Variants in NELFA observed in about 807,000 individuals in gnomAD.
The protein encoded by NELFA is negative elongation factor A.
A neutral mutation model predicts 51.8 loss-of-function variants in NELFA; 35 were observed. That is an observed-to-expected ratio of 0.68 (90% CI 0.52 to 0.90). The LOEUF (loss-of-function observed/expected upper bound fraction) is 0.90. Among genes scored for constraint, NELFA ranks in the 40% least tolerant of loss-of-function variants. The probability of loss-of-function intolerance (pLI) is 0.00; values close to 1 mark genes in which losing one functional copy is unlikely to be tolerated. For synonymous variants in NELFA, 417 were observed against 338.4 expected (o/e 1.23, Z -2.55); for missense variants, 658 against 746.4 (o/e 0.88, Z 1.38).
chr4:1,993,829 C>T (rs1351333690), intron 1 of NELFA, among the ~76,000 whole-genome samples: 2 of 143,652 alleles, frequency 1.4e-5, no homozygotes, highest in Non-Finnish European at 3.0e-5. Context: ...CAGAGTCTCG[C>T]TGTTGTCGTC....
chr4:2,007,330 A>G (rs1412238449), intron 1 of NELFA: 1 of 182,974 alleles, frequency 5.5e-6, no homozygotes. Flanking sequence ...ACACCTGAAC[A>G]TATGACCGTA....
rs758642494 is a variant in NELFA at position 2,008,973 on chromosome 4, G to A, written c.-14C>T. On this transcript the variant is annotated 5_prime_UTR_variant, in exon 1 of 11. Coordinates refer to ENST00000382882, the MANE Select transcript of NELFA (RefSeq NM_005663.5). Reference sequence around the variant, plus strand: ...CATGGACGCCATCTTGGGGGAAAGCGCGCGCCGCTGCCCCGGCATCTTATG... The same window carrying A: ...CATGGACGCCATCTTGGGGGAAAGCACGCGCCGCTGCCCCGGCATCTTATG... 10 of 1,551,320 alleles carry A rather than the reference G, an allele frequency of 6.4e-6. No individual in the cohort carries two copies. Among genetic ancestry groups the A allele is most frequent in the Non-Finnish European group, 7.8e-6 (9 of 1,147,102 alleles).
intron 1 of NELFA, chr4:1,992,388 G>A (rs909079983): frequency 6.0e-6 from 2 of 330,926 alleles, no homozygotes; most frequent in Non-Finnish European, 1.2e-5. Flanking sequence ...GGCGCACCCC[G>A]TGCTCCCTCA....
intron 1 of NELFA, chr4:2,008,086 C>T (rs1384705551): frequency 2.2e-6 from 1 of 455,428 alleles, no homozygotes; most frequent in African/African-American, 2.0e-5. Flanking sequence ...TCAGCGGACA[C>T]TGGAGCTACC....
chr4:1,990,644 C>G, intron 2 of NELFA: 1 of 391,266 alleles, frequency 2.6e-6, no homozygotes, highest in East Asian at 7.3e-5. Context: ...TGTCTCCATC[C>G]CACAACCCTG....
At chr4:2,008,628 A>T in intron 1 of NELFA, 122 bp downstream of exon 1, 1 of 960,860 alleles carries the variant, frequency 1.0e-6, no homozygotes, top group Non-Finnish European at 1.5e-6. Flanking sequence ...CGGGGGGGTT[A>T]ACAGTCTGAA....
intron 1 of NELFA, among the ~76,000 whole-genome samples, chr4:1,995,724 G>C (rs1002586855): frequency 1.3e-5 from 2 of 152,132 alleles, no homozygotes; most frequent in Admixed American, 1.3e-4. Context: ...TCTATGTAAA[G>C]ATCCAAGGTT....
chr4:2,003,750 G>C (rs1170980599), intron 1 of NELFA: 1 of 151,982 alleles, frequency 6.6e-6, no homozygotes, highest in African/African-American at 2.4e-5. Context: ...AGTGAGGGGA[G>C]GGAACTTAAA....
At chr4:1,994,419 G>C (rs189422811) in intron 1 of NELFA, among the ~76,000 whole-genome samples, 1 of 152,104 alleles carries the variant, frequency 6.6e-6, no homozygotes, top group Non-Finnish European at 1.5e-5. Flanking sequence ...ACAAAAATTA[G>C]CCAGGCATGG....
chr4:1,984,764 G>T (rs1374759236), intron 8 of NELFA, 44 bp downstream of exon 8: 1 of 1,432,216 alleles, frequency 7.0e-7, no homozygotes, highest in Non-Finnish European at 9.6e-7. Flanking sequence ...GTCATGTCCT[G>T]GCAGGCAGCT....
rs1275933924 is a variant in NELFA, at chr4:1,982,928, T to C, written c.*391A>G. ...CACCCCCAGTACCACCGTGCCACCTTGGTCCCCTCAACCCTGGGGGTAGGA... is the reference window on the plus strand; with the variant it reads ...CACCCCCAGTACCACCGTGCCACCTCGGTCCCCTCAACCCTGGGGGTAGGA... On this transcript the variant is annotated 3_prime_UTR_variant, in exon 11 of 11. Coordinates refer to ENST00000382882, the MANE Select transcript of NELFA (RefSeq NM_005663.5). 3 of 168,178 alleles carry C rather than the reference T, an allele frequency of 1.8e-5. No homozygotes were observed. Among genetic ancestry groups the C allele is most frequent in the Non-Finnish European group, 3.8e-5 (3 of 78,792 alleles). The allele number at this position is 168,178 out of a possible 1,614,324, so 10.4% of individuals were successfully genotyped here.
At chr4:1,986,514 C>T (rs769896992) in intron 4 of NELFA, 112 bp from the exon 5 acceptor site, 11 of 1,533,550 alleles carry the variant, frequency 7.2e-6, no homozygotes, top group Admixed American at 3.8e-5. Flanking sequence ...GGGGAAGGGC[C>T]AAACCCCTGG....
chr4:1,986,029 C>G (rs749053117), intron 6 of NELFA, 85 bp downstream of exon 6: 7 of 1,467,200 alleles, frequency 4.8e-6, no homozygotes. Flanking sequence ...CAGCCCTGCC[C>G]GCCGAGCGTG....
In NELFA at chr4:1,991,647, G is replaced by C. The variant is rs185364631; in HGVS notation, c.279C>G (p.Val93=). 3.7e-6 allele frequency: 6 copies of C among 1,613,910 alleles called. No individual in the cohort carries two copies. The highest frequency in any genetic ancestry group is 5.1e-6 in the Non-Finnish European group (6 of 1,179,974). Residue 93 remains valine (V), a synonymous_variant, in exon 2 of 11, where the codon GTC becomes GTG. Transcript: ENST00000382882. ...CCGGAAAGGACTTCAAGATGTCGGCGACCATGAGCACCCAGGGGTCCGAGT... is the reference window on the plus strand; with the variant it reads ...CCGGAAAGGACTTCAAGATGTCGGCCACCATGAGCACCCAGGGGTCCGAGT... ...SLDSDPWVLM[V]ADILKSFPDT...
At chr4:2,001,956 T>C (rs1406122225) in intron 1 of NELFA, among the ~76,000 whole-genome samples, 1 of 147,484 alleles carries the variant, frequency 6.8e-6, no homozygotes, top group Non-Finnish European at 1.5e-5. Context: ...ATCCTAGCAC[T>C]TTGGGAGGCC....
chr4:1,996,127 G>A (rs1577623761), intron 1 of NELFA, among the ~76,000 whole-genome samples: 1 of 152,290 alleles, frequency 6.6e-6, no homozygotes. Flanking sequence ...TACAAAAACT[G>A]ACCATACATT....
At chr4:2,005,817 T>C (rs1280425056) in intron 1 of NELFA, among the ~76,000 whole-genome samples, 6 of 151,468 alleles carry the variant, frequency 4.0e-5, no homozygotes, top group African/African-American at 1.2e-4. Flanking sequence ...ATGAAATAGG[T>C]GGTAATATAT....
chr4:2,003,556 G>A (rs1465170232), intron 1 of NELFA, among the ~76,000 whole-genome samples: 1 of 152,194 alleles, frequency 6.6e-6, no homozygotes, highest in Non-Finnish European at 1.5e-5. Context: ...CCATAAAAAG[G>A]AATGAGATCC....
At position 1,984,872 on chromosome 4, in the gene NELFA, G is replaced by A. The variant is rs1005366425; in HGVS notation, c.972C>T (p.Tyr324=). The change falls in exon 8 of 11, where the codon TAC becomes TAT. Residue 324 remains tyrosine, a synonymous_variant. Transcript: ENST00000382882. ...GAACCACGCTGGGCGTGGAGGGAAG[G>A]TAGCTCGTGGAGGGCAGCGCAGGCT... ...NNEPALPSTS[Y]LPSTPSVVPA... is the part of the protein sequence containing the mutation. 2.5e-6 allele frequency: 4 copies of A among 1,581,504 alleles called. No homozygotes were observed. Among genetic ancestry groups the A allele is most frequent in the East Asian group, 2.3e-5 (1 of 43,422 alleles).
Sources: allele counts gnomAD v4.1 joint callset (sites outside exome capture counted in the v4.1 genomes callset), GRCh38; gene constraint gnomAD v4.1.1; transcripts MANE v1.5; gene names NCBI Gene and HGNC (gene_info 2026-07-23, HGNC 2026-07-21).